The following SP4 variants were observed in gnomAD, a reference collection of about 807,000 sequenced individuals.
SP4 encodes the protein Sp4 transcription factor.
Under a neutral mutation model 72.8 loss-of-function variants are expected in SP4, and 19 were observed. That is an observed-to-expected ratio of 0.26 (90% CI 0.18 to 0.38). The LOEUF is 0.38. SP4 is among the 10% of genes least tolerant of loss of function. SP4 has a pLI of 1.00. For missense variants in SP4, 1,008 were observed against 926.3 expected (o/e 1.09, Z -1.14); for synonymous variants, 395 against 333.1 (o/e 1.19, Z -2.02).
At chr7:21,453,905 T>C (rs371267584) in intron 3 of SP4, among the ~76,000 whole-genome samples, 9 of 152,390 alleles carry the variant, frequency 5.9e-5, no homozygotes, top group African/African-American at 1.9e-4. Context: ...CCTTTAGCTT[T>C]ATCCTATCTA....
chr7:21,445,460 G>T (rs546653485), intron 3 of SP4, among the ~76,000 whole-genome samples: 1 of 152,286 alleles, frequency 6.6e-6, no homozygotes, highest in South Asian at 2.1e-4. Context: ...GACAGGGTTG[G>T]TCCTGCAACT....
At position 21,488,783 on chromosome 7, in the gene SP4, T is replaced by C. The variant is rs145481672; in HGVS notation, c.2107+6660T>C. Reference sequence around the variant, plus strand: ...CCGTCTCTTAAAAAAAAAATACTGATAACTTGGAAATACTATAATGATACA... The same window carrying C: ...CCGTCTCTTAAAAAAAAAATACTGACAACTTGGAAATACTATAATGATACA... On this transcript the variant is annotated intron_variant, in intron 5 of 5. Coordinates refer to ENST00000222584, the MANE Select transcript of SP4 (RefSeq NM_003112.5). 8.3e-3 allele frequency among the ~76,000 whole-genome samples: 1,261 copies of C among 151,886 alleles called. 14 individuals are homozygous for C. The highest frequency in any genetic ancestry group is 0.02 in the Middle Eastern group (6 of 294).
At chr7:21,454,050 C>G (rs1316463674) in intron 3 of SP4, among the ~76,000 whole-genome samples, 1 of 152,084 alleles carries the variant, frequency 6.6e-6, no homozygotes, top group African/African-American at 2.4e-5. Context: ...TTTCAGTAGT[C>G]TCAAGTACAT....
intron 5 of SP4, among the ~76,000 whole-genome samples, chr7:21,488,479 CTT>C (rs59893862): frequency 4.5e-5 from 6 of 133,232 alleles, no homozygotes; most frequent in Admixed American, 7.5e-5. Flanking sequence ...ACTTCCTTTC[CTT>C]TTTTTTTTTT....
At chr7:21,492,164 A>G (rs536233993) in intron 5 of SP4, among the ~76,000 whole-genome samples, 2 of 152,320 alleles carry the variant, frequency 1.3e-5, no homozygotes, top group East Asian at 1.9e-4. Context: ...AAGGAAGCCA[A>G]TAGTTAAAAA....
intron 3 of SP4, among the ~76,000 whole-genome samples, chr7:21,448,372 A>G (rs1165589303): frequency 6.6e-6 from 1 of 152,212 alleles, no homozygotes; most frequent in African/African-American, 2.4e-5. Context: ...TTAATGTAAT[A>G]TTAGGCCATT....
At position 21,491,090 on chromosome 7, in the gene SP4, C is replaced by G. The variant is rs556338440; in HGVS notation, c.2107+8967C>G. ...AGAAGATAACAGATGTCAAGATGAT[C>G]TAGATTTCGGAATTATCAGATAAGA... On this transcript the variant is annotated intron_variant, in intron 5 of 5. Transcript: ENST00000222584. Among the ~76,000 whole-genome samples the G allele has an allele frequency of 7.2e-5, 11 of 152,228 alleles. No homozygotes were observed. In the South Asian group the frequency reaches 2.3e-3, roughly 32 times the overall value.
chr7:21,430,022 C>G lies in SP4; in HGVS notation c.857C>G (p.Pro286Arg), dbSNP rs150133134. 3.6e-3 allele frequency: 5,784 copies of G among 1,614,180 alleles called. 27 individuals are homozygous for G. Among genetic ancestry groups the G allele is most frequent in the Non-Finnish European group, 3.4e-3 (4,024 of 1,180,026 alleles). ...AGGGTGQVGQ[P>R]AATADSGTSN... ...GGAGGGACTGGGCAGGTTGGCCAGC[C>G]TGCTGCTACTGCTGATAGTGGGACT... The change falls in exon 3 of 6, where the codon CCT (proline) becomes CGT (arginine). Residue 286 changes from proline (P) to arginine (R), a missense_variant. Transcript: ENST00000222584.
In SP4 at chr7:21,482,115, C is replaced by A; in HGVS notation, c.2099C>A (p.Thr700Asn). The change falls in exon 5 of 6, where the codon ACC becomes AAC. Residue 700 changes from threonine to asparagine, a missense_variant. Transcript: ENST00000222584. ...RSDELQRHRR[T>N]HTGEKRFECP... ...GATGAGCTCCAGAGACATAGAAGAA[C>A]CCATACAGGTTAGTTGATTTTAGGA... 1 of 1,613,126 alleles carries A rather than the reference C, an allele frequency of 6.2e-7. No homozygotes were observed. The highest frequency in any genetic ancestry group is 1.7e-5 in the Admixed American group (1 of 59,998).
intron 4 of SP4, among the ~76,000 whole-genome samples, chr7:21,481,651 T>C (rs1020390139): frequency 2.0e-5 from 3 of 152,146 alleles, no homozygotes; most frequent in Non-Finnish European, 2.9e-5. Flanking sequence ...GAGATTTTTT[T>C]CCCAAGGGAA....
intron 3 of SP4, among the ~76,000 whole-genome samples, chr7:21,434,949 CTAAG>C (rs1782999347): frequency 1.3e-5 from 2 of 151,932 alleles, no homozygotes; most frequent in African/African-American, 4.8e-5. Context: ...TTTATTTTAA[CTAAG>C]TGAGGAGAGT....
In SP4 at chr7:21,447,720, G is replaced by T. The variant is rs547353343; in HGVS notation, c.1678+16877G>T. On this transcript the variant is annotated intron_variant, in intron 3 of 5. Coordinates refer to ENST00000222584, the MANE Select transcript of SP4 (RefSeq NM_003112.5). ...TTTTTTTGAGACAGAGTCTTGCTCTGTGGTCCAGGCTGGAATGCAGTGGCG... is the reference window on the plus strand; with the variant it reads ...TTTTTTTGAGACAGAGTCTTGCTCTTTGGTCCAGGCTGGAATGCAGTGGCG... Among the ~76,000 whole-genome samples, 11 of 152,310 alleles carry T rather than the reference G, an allele frequency of 7.2e-5. No homozygotes were observed. In the South Asian group the frequency reaches 2.3e-3, roughly 32 times the overall value.
chr7:21,490,698 A>G lies in SP4; in HGVS notation c.2107+8575A>G, dbSNP rs184390542. On this transcript the variant is annotated intron_variant, in intron 5 of 5. Coordinates refer to ENST00000222584, the MANE Select transcript of SP4 (RefSeq NM_003112.5). ...TAGATCAAAAGAAGTCCTGGGTTCA[A>G]CCTTGCACTGGGCTCAACCTTGAGC... is the stretch of plus-strand genomic sequence containing the variant. Among the ~76,000 whole-genome samples the G allele has an allele frequency of 6.3e-4, 75 of 119,898 alleles. 1 individual carries two copies. The highest frequency in any genetic ancestry group is 4.7e-3 in the South Asian group (17 of 3,630). The allele number at this position is 119,898 out of a possible 152,430, so 78.7% of individuals were successfully genotyped here.
At chr7:21,450,465 A>G (rs1783554726) in intron 3 of SP4, among the ~76,000 whole-genome samples, 2 of 152,108 alleles carry the variant, frequency 1.3e-5, no homozygotes, top group South Asian at 4.1e-4. Context: ...TTGGGCCTTC[A>G]TATAAGTATT....
intron 3 of SP4, among the ~76,000 whole-genome samples, chr7:21,434,841 AC>A (rs1261098207): frequency 6.8e-6 from 1 of 146,054 alleles, no homozygotes; most frequent in Non-Finnish European, 1.5e-5. Flanking sequence ...TTTAGCTCCC[AC>A]TTGTAAGTGT....
At chr7:21,496,866 C>T (rs1361003431) in intron 5 of SP4, among the ~76,000 whole-genome samples, 2 of 152,186 alleles carry the variant, frequency 1.3e-5, no homozygotes, top group Non-Finnish European at 2.9e-5. Flanking sequence ...TACCTAGAGC[C>T]TCAGGATTAG....
chr7:21,508,483 C>T (rs1416316192), intron 5 of SP4, among the ~76,000 whole-genome samples: 1 of 152,156 alleles, frequency 6.6e-6, no homozygotes, highest in Non-Finnish European at 1.5e-5. Context: ...TGCATCACCA[C>T]GCCCAGCTAC....
intron 3 of SP4, among the ~76,000 whole-genome samples, chr7:21,467,601 G>C (rs1244770523): frequency 6.6e-6 from 1 of 152,076 alleles, no homozygotes; most frequent in Non-Finnish European, 1.5e-5. Flanking sequence ...TTTTAAGTCA[G>C]ATCATTATGT....
At position 21,477,287 on chromosome 7, in the gene SP4, T is replaced by C. The variant is rs866399488; in HGVS notation, c.1887T>C (p.Asn629=). 2.5e-6 allele frequency: 4 copies of C among 1,611,208 alleles called. No individual in the cohort carries two copies. Among genetic ancestry groups the C allele is most frequent in the East Asian group, 2.2e-5 (1 of 44,870 alleles). ...RLRRVACSCP[N]CREGEGRGSN... ...GAAGAGTTGCCTGTTCCTGTCCTAA[T>C]TGTAGGGAAGGAGAAGGAAGGTAAA... The change falls in exon 4 of 6, where the codon AAT becomes AAC. Residue 629 remains asparagine (N), a synonymous_variant. Transcript: ENST00000222584.
Sources: gnomAD v4.1 joint callset for allele counts (sites outside exome capture counted in the v4.1 genomes callset) on GRCh38, gnomAD v4.1.1 for gene constraint, MANE v1.5 for transcripts, NCBI Gene and HGNC (gene_info 2026-07-23, HGNC 2026-07-21) for gene names.